ST7: variants seen among roughly 807,000 people sequenced by gnomAD.
ST7 encodes suppressor of tumorigenicity 7 protein.
In ST7, 28 loss-of-function variants were observed where a neutral mutation model predicts 78.7. That is an observed-to-expected ratio of 0.36 (90% CI 0.26 to 0.49). The LOEUF (loss-of-function observed/expected upper bound fraction) is 0.49. Ranked by LOEUF, ST7 falls within the 20% of genes least tolerant of loss-of-function variation. The pLI is 0.99. For missense variants in ST7, 418 were observed against 696.0 expected (o/e 0.60, Z 4.49); for synonymous variants, 247 against 249.6 (o/e 0.99, Z 0.10).
At chr7:116,963,352 G>T (rs529896936) in intron 1 of ST7, among the ~76,000 whole-genome samples, 1 of 152,316 alleles carries the variant, frequency 6.6e-6, no homozygotes, top group Non-Finnish European at 1.5e-5. Flanking sequence ...GGGCAAGACA[G>T]TTGCTGATGT....
intron 1 of ST7, among the ~76,000 whole-genome samples, chr7:116,993,294 C>T (rs1301066064): frequency 3.9e-5 from 6 of 152,180 alleles, no homozygotes; most frequent in African/African-American, 2.4e-5. Flanking sequence ...ACTTACAATT[C>T]CACATGGCTG....
At chr7:117,132,036 A>G in intron 6 of ST7, 76 bp downstream of exon 6, 1 of 1,360,634 alleles carries the variant, frequency 7.3e-7, no homozygotes, top group Non-Finnish European at 1.0e-6. Flanking sequence ...CATTGATAGG[A>G]TACTTAAATT....
intron 12 of ST7, among the ~76,000 whole-genome samples, chr7:117,193,079 T>C (rs902770536): frequency 1.3e-5 from 2 of 152,064 alleles, no homozygotes; most frequent in Admixed American, 6.6e-5. Context: ...ACTGGCCCTA[T>C]CTGTCAAGAA....
chr7:116,996,581 T>G (rs990037047), intron 1 of ST7, among the ~76,000 whole-genome samples: 4 of 152,216 alleles, frequency 2.6e-5, no homozygotes, highest in African/African-American at 9.6e-5. Context: ...CCAGGCAGTT[T>G]AGGAATCTGT....
chr7:117,173,078 A>G (rs775365515), intron 10 of ST7, among the ~76,000 whole-genome samples: 5 of 152,322 alleles, frequency 3.3e-5, no homozygotes, highest in Non-Finnish European at 5.9e-5. Context: ...CCCACCCTCC[A>G]CTGAAACTTG....
intron 1 of ST7, among the ~76,000 whole-genome samples, chr7:117,096,898 A>G (rs1223283582): frequency 6.6e-6 from 1 of 152,112 alleles, no homozygotes; most frequent in Non-Finnish European, 1.5e-5. Flanking sequence ...ATCTCCATTT[A>G]TTTTAATGCC....
chr7:117,188,358 G>A (rs1809454719), intron 10 of ST7, among the ~76,000 whole-genome samples: 1 of 152,164 alleles, frequency 6.6e-6, no homozygotes, highest in African/African-American at 2.4e-5. Flanking sequence ...AATGAATTTT[G>A]CAGCATCTGG....
chr7:117,054,424 GT>G (rs1665188125), intron 1 of ST7, among the ~76,000 whole-genome samples: 1 of 152,200 alleles, frequency 6.6e-6, no homozygotes, highest in South Asian at 2.1e-4. Context: ...TGCTGTGCCT[GT>G]GACACAATGC....
chr7:117,005,292 T>C (rs1324352461), intron 1 of ST7, among the ~76,000 whole-genome samples: 1 of 152,216 alleles, frequency 6.6e-6, no homozygotes, highest in African/African-American at 2.4e-5. Context: ...AAATTTTTGA[T>C]GTTAACAAGT....
intron 10 of ST7, among the ~76,000 whole-genome samples, chr7:117,171,349 C>T (rs1485576293): frequency 6.6e-6 from 1 of 152,114 alleles, no homozygotes; most frequent in African/African-American, 2.4e-5. Context: ...TATAAATCCA[C>T]ATCAGTTCAC....
intron 1 of ST7, chr7:116,954,720 G>T (rs1178469019): frequency 1.3e-5 from 2 of 157,726 alleles, no homozygotes; most frequent in African/African-American, 4.8e-5. Context: ...TAATTTCACA[G>T]TACTGGGAAA....
chr7:117,044,386 T>C (rs1165099844), intron 1 of ST7, among the ~76,000 whole-genome samples: 4 of 152,132 alleles, frequency 2.6e-5, no homozygotes, highest in Admixed American at 2.6e-4. Flanking sequence ...TAGGCGTTTT[T>C]TTCGAGACAG....
At chr7:117,029,807 G>GA (rs1796384080) in intron 1 of ST7, among the ~76,000 whole-genome samples, 1 of 149,440 alleles carries the variant, frequency 6.7e-6, no homozygotes, top group Admixed American at 6.7e-5. Context: ...ACCATTTCTT[G>GA]AAAAGACTGT....
chr7:117,106,837 G>T (rs1385817082), intron 2 of ST7, among the ~76,000 whole-genome samples: 1 of 151,876 alleles, frequency 6.6e-6, no homozygotes, highest in Non-Finnish European at 1.5e-5. Context: ...AGCCAGGATG[G>T]TCTCGATCTC....
chr7:117,020,711 T>G, intron 1 of ST7: 1 of 1,529,460 alleles, frequency 6.5e-7, no homozygotes. Context: ...TCATATCACT[T>G]TGCCTTAGGT....
intron 12 of ST7, among the ~76,000 whole-genome samples, chr7:117,204,414 A>G (rs893281226): frequency 6.6e-6 from 1 of 152,212 alleles, no homozygotes; most frequent in African/African-American, 2.4e-5. Flanking sequence ...ATTAAATAAC[A>G]TGTCCAGGGT....
chr7:117,039,079 A>T (rs372426883), intron 1 of ST7, among the ~76,000 whole-genome samples: 2 of 152,138 alleles, frequency 1.3e-5, no homozygotes, highest in East Asian at 1.9e-4. Context: ...ATGAGTGGTT[A>T]CTTAGGTTTT....
chr7:117,059,595 G>A (rs1338731087), intron 1 of ST7, among the ~76,000 whole-genome samples: 1 of 151,914 alleles, frequency 6.6e-6, no homozygotes, highest in East Asian at 1.9e-4. Context: ...TTGTTCTGGA[G>A]TTGAGAATTA....
At chr7:116,979,958 C>CTTTTTTT (rs745530832) in intron 1 of ST7, among the ~76,000 whole-genome samples, 1,099 of 86,182 alleles carry the variant, frequency 0.013, 147 homozygotes, top group African/African-American at 0.042. Flanking sequence ...TTTTGTTTCT[C>CTTTTTTT]TTTTTTTTTT....
Sources: gnomAD v4.1 joint callset for allele counts (sites outside exome capture counted in the v4.1 genomes callset) on GRCh38, gnomAD v4.1.1 for gene constraint, MANE v1.5 for transcripts, NCBI Gene and HGNC (gene_info 2026-07-23, HGNC 2026-07-21) for gene names.